Variants in SPAG16 observed in about 807,000 individuals in gnomAD.
The protein encoded by SPAG16 is sperm-associated antigen 16 protein.
Under a neutral mutation model 80.4 loss-of-function variants are expected in SPAG16, and 86 were observed. That is an observed-to-expected ratio of 1.07 (90% CI 0.90 to 1.28). The LOEUF (loss-of-function observed/expected upper bound fraction) is 1.28, where lower values mean the gene tolerates loss of function less well. Ranked by LOEUF, SPAG16 falls within the 50% of genes most tolerant of loss-of-function variation. SPAG16 has a pLI of 0.00. For missense variants in SPAG16, 870 were observed against 765.3 expected (o/e 1.14, Z -1.61); for synonymous variants, 294 against 265.9 (o/e 1.11, Z -1.03).
At chr2:214,120,724 T>G (rs2054181460) in intron 14 of SPAG16, among the ~76,000 whole-genome samples, 1 of 151,916 alleles carries the variant, frequency 6.6e-6, no homozygotes, top group Non-Finnish European at 1.5e-5. Context: ...ACTTTATTAC[T>G]TGACTGCTAA....
At chr2:213,601,913 G>C (rs966235958) in intron 10 of SPAG16, among the ~76,000 whole-genome samples, 2 of 152,174 alleles carry the variant, frequency 1.3e-5, no homozygotes, top group Non-Finnish European at 2.9e-5. Flanking sequence ...TCAGGGTGGG[G>C]GATGGTTTCT....
chr2:213,481,991 G>A (rs969297752), intron 9 of SPAG16, among the ~76,000 whole-genome samples: 6 of 152,164 alleles, frequency 3.9e-5, no homozygotes, highest in Non-Finnish European at 8.8e-5. Flanking sequence ...TCCTGACTTG[G>A]TAATGAGAAG....
chr2:214,178,011 A>ATATATT (rs1310982087), intron 15 of SPAG16, among the ~76,000 whole-genome samples: 1 of 45,854 alleles, frequency 2.2e-5, no homozygotes, highest in African/African-American at 4.4e-5. Flanking sequence ...ATATATATAT[A>ATATATT]TTCATACTTT....
chr2:213,929,886 A>C, intron 11 of SPAG16, 74 bp from the exon 12 acceptor site: 6 of 1,297,634 alleles, frequency 4.6e-6, no homozygotes, highest in Non-Finnish European at 6.5e-6. Flanking sequence ...CACACAAATT[A>C]CTCATAGAAT....
At chr2:213,387,150 GTATCC>G (rs1437383492) in intron 9 of SPAG16, among the ~76,000 whole-genome samples, 14 of 151,978 alleles carry the variant, frequency 9.2e-5, no homozygotes, top group African/African-American at 3.4e-4. Context: ...GGATCAAATG[GTATCC>G]ACTGTAGTCC....
At chr2:213,602,014 A>G (rs2061083425) in intron 10 of SPAG16, among the ~76,000 whole-genome samples, 1 of 152,206 alleles carries the variant, frequency 6.6e-6, no homozygotes, top group Non-Finnish European at 1.5e-5. Flanking sequence ...GCAGTTCACA[A>G]AAAGGTTTGC....
At chr2:213,420,207 C>T (rs2069502464) in intron 9 of SPAG16, among the ~76,000 whole-genome samples, 1 of 152,182 alleles carries the variant, frequency 6.6e-6, no homozygotes. Context: ...TTGGAACTTA[C>T]TCTTCACGGA....
At chr2:214,291,730 T>C (rs983072698) in intron 15 of SPAG16, among the ~76,000 whole-genome samples, 1 of 152,210 alleles carries the variant, frequency 6.6e-6, no homozygotes, top group African/African-American at 2.4e-5. Context: ...TTTCGGGTTG[T>C]GTTGTATATT....
intron 13 of SPAG16, among the ~76,000 whole-genome samples, chr2:214,104,731 T>C (rs2053286645): frequency 6.6e-6 from 1 of 152,134 alleles, no homozygotes; most frequent in South Asian, 2.1e-4. Context: ...TTTTGCTTAT[T>C]ATGTCTGACG....
intron 12 of SPAG16, among the ~76,000 whole-genome samples, chr2:213,936,360 C>G (rs947122703): frequency 1.3e-5 from 2 of 152,062 alleles, no homozygotes; most frequent in African/African-American, 2.4e-5. Context: ...AATGGGAAAC[C>G]ATTAGTGGGT....
intron 9 of SPAG16, among the ~76,000 whole-genome samples, chr2:213,458,333 C>T (rs950993698): frequency 5.3e-5 from 8 of 151,586 alleles, no homozygotes; most frequent in African/African-American, 1.7e-4. Flanking sequence ...TTTGGTAGGT[C>T]GAGGCAGGCA....
rs1169978921 is a variant in SPAG16 at position 213,702,577 on chromosome 2, C to T, written c.1071-159908C>T. Among the ~76,000 whole-genome samples, 6 of 152,118 alleles carry T rather than the reference C, an allele frequency of 3.9e-5. 1 individual carries two copies. Among genetic ancestry groups the T allele is most frequent in the Non-Finnish European group, 8.8e-5 (6 of 68,014 alleles). On this transcript the variant is annotated intron_variant, in intron 10 of 15. Coordinates refer to ENST00000331683, the MANE Select transcript of SPAG16 (RefSeq NM_024532.5). The stretch of plus-strand genomic sequence containing the variant: ...TGGCGAGACCAAGAACCCACCAGTT[C>T]CGGACACAATAATATTTCATCTTTG...
At chr2:213,613,700 C>G (rs1008049373) in intron 10 of SPAG16, among the ~76,000 whole-genome samples, 1 of 151,138 alleles carries the variant, frequency 6.6e-6, no homozygotes, top group Non-Finnish European at 1.5e-5. Context: ...TGCCTCTTCT[C>G]TAGAATGCAT....
intron 9 of SPAG16, among the ~76,000 whole-genome samples, chr2:213,401,087 G>T (rs2068285267): frequency 6.6e-6 from 1 of 152,222 alleles, no homozygotes; most frequent in Non-Finnish European, 1.5e-5. Flanking sequence ...GAGATTACAG[G>T]TGTGAGCCAC....
chr2:213,365,842 A>C (rs890089505), intron 8 of SPAG16, among the ~76,000 whole-genome samples: 1 of 151,984 alleles, frequency 6.6e-6, no homozygotes, highest in African/African-American at 2.4e-5. Flanking sequence ...AAAGGCATCT[A>C]GTCTAAAGAA....
chr2:213,297,393 G>A, intron 3 of SPAG16, 36 bp downstream of exon 3: 1 of 1,278,218 alleles, frequency 7.8e-7, no homozygotes, highest in Non-Finnish European at 1.1e-6. Flanking sequence ...CTATAGTTTA[G>A]TGGTAGTGCT....
At chr2:214,392,732 CTTA>C (rs1701163019) in intron 15 of SPAG16, among the ~76,000 whole-genome samples, 1 of 150,284 alleles carries the variant, frequency 6.7e-6, no homozygotes, top group African/African-American at 2.4e-5. Flanking sequence ...TGGTCACTGA[CTTA>C]ACAGAGTGGG....
chr2:213,719,961 G>A (rs924695381), intron 10 of SPAG16, among the ~76,000 whole-genome samples: 1 of 152,102 alleles, frequency 6.6e-6, no homozygotes, highest in Non-Finnish European at 1.5e-5. Flanking sequence ...TGATAGACTG[G>A]ATAAAGAAAA....
intron 9 of SPAG16, among the ~76,000 whole-genome samples, chr2:213,465,517 C>T (rs1386555281): frequency 1.3e-5 from 2 of 152,182 alleles, no homozygotes; most frequent in African/African-American, 4.8e-5. Flanking sequence ...TCCCAAGTTT[C>T]TCTGGGAGGG....
Sources: allele counts gnomAD v4.1 joint callset (sites outside exome capture counted in the v4.1 genomes callset), GRCh38; gene constraint gnomAD v4.1.1; transcripts MANE v1.5; gene names NCBI Gene and HGNC (gene_info 2026-07-23, HGNC 2026-07-21).